CBFA2T2: variants seen among roughly 807,000 people sequenced by gnomAD.
CBFA2T2 encodes the protein CBFA2/RUNX1 partner transcriptional co-repressor 2.
CBFA2T2 carries 11 observed loss-of-function variants against 62.2 expected under a neutral mutation model. The observed-to-expected ratio is 0.18, with a 90% CI of 0.11 to 0.29. The LOEUF is 0.29. Among genes scored for constraint, CBFA2T2 ranks in the 10% least tolerant of loss-of-function variants. CBFA2T2 has a pLI of 1.00. For missense variants in CBFA2T2, 592 were observed against 774.1 expected (o/e 0.76, Z 2.79); for synonymous variants, 295 against 287.5 (o/e 1.03, Z -0.27).
At chr20:33,613,665 C>G (rs563786541) in intron 3 of CBFA2T2, among the ~76,000 whole-genome samples, 2 of 152,284 alleles carry the variant, frequency 1.3e-5, no homozygotes, top group African/African-American at 4.8e-5. Context: ...TAGCATGAAC[C>G]ATACTGTTCG....
intron 9 of CBFA2T2, chr20:33,638,718 T>A (rs1308377098): frequency 1.9e-4 from 29 of 152,164 alleles, no homozygotes; most frequent in Non-Finnish European, 4.4e-5. Context: ...TCTAGTCCTG[T>A]GGACTTACGT....
At chr20:33,558,576 TCCTGTGTC>T (rs1376277149) in intron 1 of CBFA2T2, among the ~76,000 whole-genome samples, 1 of 152,190 alleles carries the variant, frequency 6.6e-6, no homozygotes, top group East Asian at 1.9e-4. Context: ...ATTAACATGT[TCCTGTGTC>T]CCCTCAATGT....
At chr20:33,619,183 T>C (rs1289672450) in intron 3 of CBFA2T2, among the ~76,000 whole-genome samples, 2 of 152,148 alleles carry the variant, frequency 1.3e-5, no homozygotes, top group Non-Finnish European at 2.9e-5. Flanking sequence ...AGGACCAGCC[T>C]AGACAACATA....
At chr20:33,542,961 C>T (rs191415640) in intron 1 of CBFA2T2, among the ~76,000 whole-genome samples, 2 of 152,006 alleles carry the variant, frequency 1.3e-5, no homozygotes, top group African/African-American at 2.4e-5. Flanking sequence ...CCACCATGCC[C>T]GGCTATTTCT....
chr20:33,563,863 C>T (rs1568821242), intron 1 of CBFA2T2, among the ~76,000 whole-genome samples: 1 of 152,134 alleles, frequency 6.6e-6, no homozygotes, highest in Non-Finnish European at 1.5e-5. Context: ...GTTTTCAGGG[C>T]GCCCTTCCTC....
chr20:33,503,210 A>C (rs1193059968), intron 1 of CBFA2T2, among the ~76,000 whole-genome samples: 1 of 151,240 alleles, frequency 6.6e-6, no homozygotes, highest in African/African-American at 2.4e-5. Context: ...ACACATACAT[A>C]TACACATATC....
intron 1 of CBFA2T2, among the ~76,000 whole-genome samples, chr20:33,580,002 A>G (rs962209776): frequency 2.6e-5 from 4 of 151,876 alleles, no homozygotes; most frequent in African/African-American, 9.7e-5. Context: ...TTTTTAGTAG[A>G]GACGGGGTTT....
intron 1 of CBFA2T2, among the ~76,000 whole-genome samples, chr20:33,601,028 A>C (rs2015110895): frequency 6.9e-6 from 1 of 145,248 alleles, no homozygotes; most frequent in African/African-American, 2.5e-5. Context: ...TAATAGAACC[A>C]AAAAAAAAAA....
chr20:33,594,515 C>T (rs777658112), intron 1 of CBFA2T2, among the ~76,000 whole-genome samples: 206 of 152,186 alleles, frequency 1.4e-3, no homozygotes, highest in African/African-American at 4.6e-3. Flanking sequence ...CCACCGAGCC[C>T]GGCCTACTGC....
intron 1 of CBFA2T2, among the ~76,000 whole-genome samples, chr20:33,518,075 A>T (rs1300316587): frequency 6.6e-6 from 1 of 151,952 alleles, no homozygotes; most frequent in Non-Finnish European, 1.5e-5. Flanking sequence ...CAGCCTCCCA[A>T]GTAGCTGGGA....
chr20:33,630,606 C>T (rs1315084998), intron 8 of CBFA2T2, among the ~76,000 whole-genome samples: 1 of 152,210 alleles, frequency 6.6e-6, no homozygotes, highest in Non-Finnish European at 1.5e-5. Flanking sequence ...ATCCAGAGTA[C>T]ATCCAGCAAA....
chr20:33,589,326 C>A (rs1430696207), intron 1 of CBFA2T2, among the ~76,000 whole-genome samples: 1 of 152,170 alleles, frequency 6.6e-6, no homozygotes, highest in Non-Finnish European at 1.5e-5. Flanking sequence ...GTTTGGTAGT[C>A]CCTTACCCCC....
intron 1 of CBFA2T2, among the ~76,000 whole-genome samples, chr20:33,556,144 A>C (rs980789744): frequency 4.6e-5 from 7 of 152,152 alleles, no homozygotes; most frequent in Non-Finnish European, 8.8e-5. Context: ...TGGGATTACA[A>C]ATGTGAGCCA....
intron 7 of CBFA2T2, among the ~76,000 whole-genome samples, 156 bp from the exon 8 acceptor site, chr20:33,629,563 G>A (rs963662737): frequency 1.3e-5 from 2 of 152,224 alleles, no homozygotes; most frequent in Non-Finnish European, 2.9e-5. Context: ...AGCTGATGGA[G>A]AAACAGACAG....
chr20:33,586,201 C>T (rs2014362020), intron 1 of CBFA2T2, among the ~76,000 whole-genome samples: 2 of 152,034 alleles, frequency 1.3e-5, no homozygotes, highest in South Asian at 2.1e-4. Context: ...TTTTTTGAGA[C>T]GGAGTCTTCC....
rs529205532 is a variant in CBFA2T2, at chr20:33,639,603, C to T, written c.1298-738C>T. ...AAAAAAAAAGAAAATAAGTTCAAGC[C>T]GGGGGTGGTGCCTCACCCCTATAAC... On this transcript the variant is annotated intron_variant, in intron 9 of 10. Transcript: ENST00000342704. 14 of 150,118 alleles carry T rather than the reference C, an allele frequency of 9.3e-5. No individual in the cohort carries two copies. In the East Asian group the frequency reaches 2.4e-3, roughly 25 times the overall value. 9.3% of individuals were successfully genotyped at this position (150,118 alleles called of 1,614,324 possible). A position where few individuals can be genotyped will look rare whatever the true frequency, so the allele number is the denominator to read the frequency against.
chr20:33,548,008 C>T (rs1005300774), intron 1 of CBFA2T2, among the ~76,000 whole-genome samples: 2 of 152,074 alleles, frequency 1.3e-5, no homozygotes, highest in Non-Finnish European at 2.9e-5. Context: ...TGGGCTCAAG[C>T]GATCCTTCCA....
chr20:33,531,000 T>C (rs1393275061), intron 1 of CBFA2T2, among the ~76,000 whole-genome samples: 1 of 152,008 alleles, frequency 6.6e-6, no homozygotes, highest in Non-Finnish European at 1.5e-5. Context: ...GGAGAATTGC[T>C]TGAACCTAGG....
intron 3 of CBFA2T2, among the ~76,000 whole-genome samples, chr20:33,614,720 T>C (rs1415157085): frequency 6.6e-6 from 1 of 152,240 alleles, no homozygotes; most frequent in African/African-American, 2.4e-5. Context: ...TTATGCATGT[T>C]ATAGCATATG....
Sources: allele counts gnomAD v4.1 joint callset (sites outside exome capture counted in the v4.1 genomes callset), GRCh38; gene constraint gnomAD v4.1.1; transcripts MANE v1.5; gene names NCBI Gene and HGNC (gene_info 2026-07-23, HGNC 2026-07-21).